The following TSPAN9 variants were observed in gnomAD, a reference collection of about 807,000 sequenced individuals.
The protein encoded by TSPAN9 is tetraspanin 9.
In TSPAN9, 16 loss-of-function variants were observed where a neutral mutation model predicts 31.0. The observed-to-expected ratio is 0.52, with a 90% CI of 0.35 to 0.78. The LOEUF is 0.78. TSPAN9 is among the 30% of genes least tolerant of loss of function. TSPAN9 has a pLI of 0.01. For synonymous variants in TSPAN9, 145 were observed against 121.6 expected (o/e 1.19, Z -1.27); for missense variants, 272 against 312.5 (o/e 0.87, Z 0.98).
Position 3,168,768 on chromosome 12 carries a change from G to GC in TSPAN9, c.-17-32404dup, listed in dbSNP as rs774430225. 7.4e-4 allele frequency among the ~76,000 whole-genome samples: 112 copies of GC among 152,218 alleles called. No homozygotes were observed. The Middle Eastern group carries it at 0.017, about 23-fold the overall frequency. On this transcript the variant is annotated intron_variant, in intron 2 of 8. Transcript: ENST00000011898. This position sits in a 1 kb window ranked among gnomAD's most constrained non-coding sequence, Gnocchi z 4.0. ...CTCTGGGAAGCTGAGGCCACTCTCC[G>GC]CCCCCTCTCTTTTCTGTGTCTCCAC...
intron 2 of TSPAN9, among the ~76,000 whole-genome samples, chr12:3,171,273 A>T (rs144653870): frequency 6.6e-6 from 1 of 152,234 alleles, no homozygotes; most frequent in Non-Finnish European, 1.5e-5. Flanking sequence ...ATTGGAATGC[A>T]AGCTATAGGA....
At chr12:3,246,783 A>G (rs181154615) in intron 3 of TSPAN9, among the ~76,000 whole-genome samples, 370 of 151,876 alleles carry the variant, frequency 2.4e-3, no homozygotes, top group Admixed American at 3.9e-3. Context: ...ATACCGCCCC[A>G]CCATCCCACC....
chr12:3,168,184 C>T lies in TSPAN9; in HGVS notation c.-17-32993C>T, dbSNP rs922690451. Among the ~76,000 whole-genome samples the T allele has an allele frequency of 6.6e-6, 1 of 152,208 alleles. No individual in the cohort carries two copies. The highest frequency in any genetic ancestry group is 2.1e-4 in the South Asian group (1 of 4,826). ...GCAAGGCAGGAGTAGCACCGGTCATCCTTGGCAGAGAATCATTCGCTCTTT... is the reference window on the plus strand; with the variant it reads ...GCAAGGCAGGAGTAGCACCGGTCATTCTTGGCAGAGAATCATTCGCTCTTT... On this transcript the variant is annotated intron_variant, in intron 2 of 8. Transcript: ENST00000011898. This position sits in a 1 kb window ranked among gnomAD's most constrained non-coding sequence, Gnocchi z 4.0.
chr12:3,238,308 G>A (rs1482150045), intron 3 of TSPAN9, among the ~76,000 whole-genome samples: 1 of 152,182 alleles, frequency 6.6e-6, no homozygotes, highest in African/African-American at 2.4e-5. Context: ...TGACCTGGCT[G>A]GCATGACAGG....
intron 2 of TSPAN9, among the ~76,000 whole-genome samples, chr12:3,161,221 CA>C (rs34492632): frequency 0.033 from 4,918 of 148,584 alleles, 128 homozygotes; most frequent in South Asian, 0.073. Context: ...AACTCGGTCT[CA>C]AAAAAAAAAA....
intron 3 of TSPAN9, among the ~76,000 whole-genome samples, chr12:3,212,478 T>G (rs1478366692): frequency 6.6e-6 from 1 of 150,408 alleles, no homozygotes; most frequent in Non-Finnish European, 1.5e-5. Context: ...GGTCTCCCTG[T>G]GTTGTCCAGG....
At position 3,238,571 on chromosome 12, in the gene TSPAN9, C is replaced by T. The variant is rs551684291; in HGVS notation, c.63+37315C>T. Among the ~76,000 whole-genome samples, 107 of 152,340 alleles carry T rather than the reference C, an allele frequency of 7.0e-4. 1 individual carries two copies. The highest frequency in any genetic ancestry group is 2.3e-3 in the African/African-American group (95 of 41,570). On this transcript the variant is annotated intron_variant, in intron 3 of 8. Coordinates refer to ENST00000011898, the MANE Select transcript of TSPAN9 (RefSeq NM_006675.5). ...ACATCGCCGACCCTTCCATGCCTCACGGGAACGGCCCTGGCTGAGAGTTGG... is the reference window on the plus strand; with the variant it reads ...ACATCGCCGACCCTTCCATGCCTCATGGGAACGGCCCTGGCTGAGAGTTGG...
At chr12:3,141,178 A>G (rs1052423809) in intron 2 of TSPAN9, among the ~76,000 whole-genome samples, 1 of 151,926 alleles carries the variant, frequency 6.6e-6, no homozygotes. Flanking sequence ...GCTCTCAAAT[A>G]CCCCGTGTCA....
intron 2 of TSPAN9, among the ~76,000 whole-genome samples, chr12:3,097,077 A>G (rs1441833024): frequency 6.6e-6 from 1 of 152,098 alleles, no homozygotes; most frequent in African/African-American, 2.4e-5. Flanking sequence ...CGTTGAGGGA[A>G]GAGGAGGCCA....
chr12:3,134,379 C>T (rs894607437), intron 2 of TSPAN9, among the ~76,000 whole-genome samples: 3 of 152,066 alleles, frequency 2.0e-5, no homozygotes, highest in Non-Finnish European at 4.4e-5. Flanking sequence ...GAAAGGGACC[C>T]GAGATGATCA....
At chr12:3,225,729 G>A (rs779361825) in intron 3 of TSPAN9, among the ~76,000 whole-genome samples, 3 of 152,046 alleles carry the variant, frequency 2.0e-5, no homozygotes, top group Non-Finnish European at 2.9e-5. Context: ...TAAGCCTGGG[G>A]AAGCAGAAGG....
At chr12:3,158,143 G>A (rs78366407) in intron 2 of TSPAN9, among the ~76,000 whole-genome samples, 11,775 of 152,170 alleles carry the variant, frequency 0.077, 476 homozygotes, top group Non-Finnish European at 0.097. Context: ...AAATCTGAGG[G>A]CTCCCCTCGG....
At chr12:3,258,936 C>G (rs1358371627) in intron 3 of TSPAN9, among the ~76,000 whole-genome samples, 2 of 152,118 alleles carry the variant, frequency 1.3e-5, no homozygotes, top group Non-Finnish European at 2.9e-5. Flanking sequence ...TGGCTGATAC[C>G]CCAGTGATGG....
intron 2 of TSPAN9, among the ~76,000 whole-genome samples, chr12:3,097,502 C>T (rs1349628759): frequency 1.3e-5 from 2 of 152,282 alleles, no homozygotes; most frequent in East Asian, 3.9e-4. Flanking sequence ...AGGAGGTGCT[C>T]ACCCCGGAAC....
intron 2 of TSPAN9, among the ~76,000 whole-genome samples, chr12:3,086,772 C>T (rs2098300724): frequency 6.6e-6 from 1 of 152,190 alleles, no homozygotes; most frequent in Non-Finnish European, 1.5e-5. Flanking sequence ...AAAAATGGCC[C>T]TTCTTCAGGT....
chr12:3,095,900 C>G (rs2153963867), intron 2 of TSPAN9, among the ~76,000 whole-genome samples: 1 of 149,386 alleles, frequency 6.7e-6, no homozygotes, highest in Admixed American at 6.6e-5. Flanking sequence ...GATGGGCGGC[C>G]AGGCAGAGAC....
At chr12:3,263,458 C>T (rs1022377330) in intron 3 of TSPAN9, among the ~76,000 whole-genome samples, 1 of 152,200 alleles carries the variant, frequency 6.6e-6, no homozygotes, top group African/African-American at 2.4e-5. Context: ...GGGCAGATGG[C>T]CCTTCTCCTC....
At chr12:3,150,282 A>G (rs1269665130) in intron 2 of TSPAN9, among the ~76,000 whole-genome samples, 2 of 152,184 alleles carry the variant, frequency 1.3e-5, no homozygotes, top group African/African-American at 4.8e-5. Flanking sequence ...CACATAGCTG[A>G]CTTGATGCTG....
At chr12:3,216,060 C>T (rs1012574793) in intron 3 of TSPAN9, among the ~76,000 whole-genome samples, 1 of 152,208 alleles carries the variant, frequency 6.6e-6, no homozygotes, top group Non-Finnish European at 1.5e-5. Flanking sequence ...CCTTCTCAGT[C>T]GCTCTGGCCT....
Sources: allele counts gnomAD v4.1 joint callset (sites outside exome capture counted in the v4.1 genomes callset), GRCh38; gene constraint gnomAD v4.1.1; non-coding constraint Gnocchi (gnomAD v3.1); transcripts MANE v1.5; gene names NCBI Gene and HGNC (gene_info 2026-07-23, HGNC 2026-07-21).